PARD3: variants seen among roughly 807,000 people sequenced by gnomAD.
PARD3 encodes partitioning defective 3 homolog.
In PARD3, 75 loss-of-function variants were observed where a neutral mutation model predicts 155.4. The ratio of observed to expected loss-of-function variants is 0.48; its 90% CI spans 0.40 to 0.58. The LOEUF (loss-of-function observed/expected upper bound fraction) is 0.58, where lower values mean the gene tolerates loss of function less well. Ranked by LOEUF, PARD3 falls within the 20% of genes least tolerant of loss-of-function variation. The probability of loss-of-function intolerance (pLI) is 0.00; values close to 1 mark genes in which losing one functional copy is unlikely to be tolerated. For synonymous variants in PARD3, 576 were observed against 610.5 expected, an observed-to-expected ratio of 0.94 and a Z score of 0.83; for missense variants, 1,642 against 1,721.7, an observed-to-expected ratio of 0.95 and a Z score of 0.82.
chr10:34,479,511 TGCAAATTCTCAATGTCAAGGCCTGCC>T (rs2078936670), intron 3 of PARD3, among the ~76,000 whole-genome samples: 1 of 152,130 alleles, frequency 6.6e-6, no homozygotes. Flanking sequence ...AAATCCCAGT[TGCAAATTCTCAATGTCAAGGCCTGCC>T]GCAATCGAGA....
chr10:34,447,456 G>A (rs193120564), intron 5 of PARD3, among the ~76,000 whole-genome samples: 4 of 117,834 alleles, frequency 3.4e-5, no homozygotes, highest in African/African-American at 1.3e-4. Context: ...ACTCTAGCCT[G>A]GGCAACAGAG....
chr10:34,394,389 G>T (rs1461911877), intron 7 of PARD3, among the ~76,000 whole-genome samples: 1 of 152,000 alleles, frequency 6.6e-6, no homozygotes, highest in Non-Finnish European at 1.5e-5. Flanking sequence ...ACAGTGGCAT[G>T]ATCATGGCTC....
chr10:34,449,177 A>T lies in PARD3; in HGVS notation c.714+1140T>A, dbSNP rs2076921371. Among the ~76,000 whole-genome samples the T allele has an allele frequency of 2.0e-5, 3 of 151,978 alleles. No homozygotes were observed. In the South Asian group the frequency reaches 6.2e-4, roughly 32 times the overall value. ...CGTGATCCACCCACCTCAGCCTCCCAAAGTGCTGGGATTACAGGAGTGGGC... is the reference window on the plus strand; with the variant it reads ...CGTGATCCACCCACCTCAGCCTCCCTAAGTGCTGGGATTACAGGAGTGGGC... On this transcript the variant is annotated intron_variant, in intron 5 of 24. Transcript: ENST00000374788.
chr10:34,538,366 A>T (rs1264417941), intron 2 of PARD3, among the ~76,000 whole-genome samples: 1 of 152,246 alleles, frequency 6.6e-6, no homozygotes, highest in African/African-American at 2.4e-5. Context: ...ATGCAAATTT[A>T]CCAGCTGAAA....
At chr10:34,346,501 G>A in intron 15 of PARD3, 1 of 1,335,056 alleles carries the variant, frequency 7.5e-7, no homozygotes, top group Non-Finnish European at 9.9e-7. Flanking sequence ...CAAATATCTA[G>A]GGACACATGC....
chr10:34,306,240 C>A (rs1957403463), intron 20 of PARD3, among the ~76,000 whole-genome samples: 1 of 149,238 alleles, frequency 6.7e-6, no homozygotes, highest in African/African-American at 2.5e-5. Context: ...GAGATCGCGC[C>A]AGTGCACTCC....
chr10:34,163,069 A>G (rs1387197169), intron 22 of PARD3, among the ~76,000 whole-genome samples: 1 of 152,240 alleles, frequency 6.6e-6, no homozygotes, highest in Non-Finnish European at 1.5e-5. Context: ...TAATTACACT[A>G]GGTAATTATT....
At chr10:34,312,152 A>G in intron 20 of PARD3, 3 of 892,096 alleles carry the variant, frequency 3.4e-6, no homozygotes, top group Non-Finnish European at 5.0e-6. Context: ...CGTAATTTAA[A>G]CCCCAAGCTT....
intron 2 of PARD3, among the ~76,000 whole-genome samples, chr10:34,530,931 T>G (rs1311830781): frequency 6.6e-6 from 1 of 152,214 alleles, no homozygotes; most frequent in Non-Finnish European, 1.5e-5. Context: ...TCAAAAGAAC[T>G]TTAAAAGGCG....
intron 15 of PARD3, among the ~76,000 whole-genome samples, chr10:34,347,527 G>A (rs1000859052): frequency 6.6e-6 from 1 of 152,176 alleles, no homozygotes; most frequent in Non-Finnish European, 1.5e-5. Flanking sequence ...TTATATATGT[G>A]TGCATATATC....
chr10:34,507,995 TA>T (rs1413463669), intron 3 of PARD3, among the ~76,000 whole-genome samples: 1 of 152,180 alleles, frequency 6.6e-6, no homozygotes, highest in African/African-American at 2.4e-5. Context: ...CAGCAAATGT[TA>T]GAAGGACAGA....
intron 2 of PARD3, among the ~76,000 whole-genome samples, chr10:34,646,351 A>G (rs892707914): frequency 6.1e-4 from 93 of 152,272 alleles, no homozygotes; most frequent in Middle Eastern, 3.4e-3. Flanking sequence ...CTGCTGTCCA[A>G]ATAATTTCCC....
At chr10:34,750,068 CACAA>C (rs1008165393) in intron 1 of PARD3, among the ~76,000 whole-genome samples, 3 of 136,472 alleles carry the variant, frequency 2.2e-5, no homozygotes, top group African/African-American at 8.1e-5. Flanking sequence ...CACACACACA[CACAA>C]AACCCGCAGT....
chr10:34,123,884 G>A (rs1231470132), intron 23 of PARD3, among the ~76,000 whole-genome samples: 1 of 152,142 alleles, frequency 6.6e-6, no homozygotes, highest in Non-Finnish European at 1.5e-5. Context: ...ACAGTACAAA[G>A]TTTCAGTACT....
chr10:34,232,020 C>T (rs1396458561), intron 22 of PARD3, among the ~76,000 whole-genome samples: 1 of 152,070 alleles, frequency 6.6e-6, no homozygotes, highest in African/African-American at 2.4e-5. Flanking sequence ...ACACTCAGCG[C>T]TATGTTAGGC....
chr10:34,666,458 A>C (rs929899621), intron 2 of PARD3, among the ~76,000 whole-genome samples: 1 of 152,004 alleles, frequency 6.6e-6, no homozygotes. Context: ...CAGTATTACC[A>C]CTAGACTCTA....
chr10:34,437,922 T>C (rs1185934603), intron 5 of PARD3, among the ~76,000 whole-genome samples: 4 of 152,242 alleles, frequency 2.6e-5, no homozygotes, highest in African/African-American at 9.6e-5. Flanking sequence ...CTTTTAGAGC[T>C]AATAGAGTTG....
chr10:34,344,529 G>T (rs1387597959), intron 15 of PARD3: 2 of 911,270 alleles, frequency 2.2e-6, no homozygotes, highest in African/African-American at 1.8e-5. Flanking sequence ...TGATCCACCT[G>T]CCTGGGCCTC....
At chr10:34,562,759 A>AT (rs111964840) in intron 2 of PARD3, among the ~76,000 whole-genome samples, 2,479 of 148,252 alleles carry the variant, frequency 0.017, 63 homozygotes, top group African/African-American at 0.057. Flanking sequence ...GATTATTTTA[A>AT]TTTTTTTTTT....
Sources: allele counts gnomAD v4.1 joint callset (sites outside exome capture counted in the v4.1 genomes callset), GRCh38; gene constraint gnomAD v4.1.1; transcripts MANE v1.5; gene names NCBI Gene and HGNC (gene_info 2026-07-23, HGNC 2026-07-21).